The following DOT1L variants were observed in gnomAD, a reference collection of about 807,000 sequenced individuals.
DOT1L encodes histone-lysine N-methyltransferase, H3 lysine-79 specific.
In DOT1L, 33 loss-of-function variants were observed where a neutral mutation model predicts 153.3. The observed-to-expected ratio is 0.22, with a 90% CI of 0.16 to 0.29. The LOEUF is 0.29. Among genes scored for constraint, DOT1L ranks in the 10% least tolerant of loss-of-function variants. The probability of loss-of-function intolerance (pLI) is 1.00; values close to 1 mark genes in which losing one functional copy is unlikely to be tolerated. For synonymous variants in DOT1L, 1,135 were observed against 965.1 expected (o/e 1.18, Z -3.26); for missense variants, 1,847 against 2,119.9 (o/e 0.87, Z 2.53).
chr19:2,207,896 C>G lies in DOT1L; in HGVS notation c.963+216C>G, dbSNP rs997418591. On this transcript the variant is annotated intron_variant, in intron 11 of 27. Coordinates refer to ENST00000398665, the MANE Select transcript of DOT1L (RefSeq NM_032482.3). The surrounding 1 kb of genome is among the most constrained non-coding windows in gnomAD (Gnocchi z 4.5). ...GGTCCTCCCAGGCACTGGGCGTGTC[C>G]TGGGTGAGGGCTGAGTGCTGTCTCC... Among the ~76,000 whole-genome samples the G allele has an allele frequency of 1.3e-5, 2 of 152,072 alleles. No individual in the cohort carries two copies. Among genetic ancestry groups the G allele is most frequent in the East Asian group, 1.9e-4 (1 of 5,168 alleles).
chr19:2,198,732 G>T (rs1219479237), intron 7 of DOT1L, among the ~76,000 whole-genome samples: 1 of 152,176 alleles, frequency 6.6e-6, no homozygotes, highest in Non-Finnish European at 1.5e-5. Flanking sequence ...AACTACTCCA[G>T]CCCCCAGCAT....
At chr19:2,218,635 C>A (rs531298050) in intron 22 of DOT1L, among the ~76,000 whole-genome samples, 1 of 151,992 alleles carries the variant, frequency 6.6e-6, no homozygotes, top group African/African-American at 2.4e-5. Flanking sequence ...CCTAGTGATC[C>A]GCCCGCCTGG....
At chr19:2,209,352 C>G (rs1054132446) in intron 12 of DOT1L, among the ~76,000 whole-genome samples, 1 of 152,214 alleles carries the variant, frequency 6.6e-6, no homozygotes, top group Non-Finnish European at 1.5e-5. Context: ...CATCCTTCCC[C>G]TTGTTAATAC....
chr19:2,217,909 C>A lies in DOT1L; in HGVS notation c.2682C>A (p.Ala894=), dbSNP rs773254605. The A allele has an allele frequency of 6.2e-7, 1 of 1,611,764 alleles. No individual in the cohort carries two copies. Among genetic ancestry groups the A allele is most frequent in the Non-Finnish European group, 8.5e-7 (1 of 1,179,706 alleles). The change falls in exon 22 of 28, where the codon GCC becomes GCA. Residue 894 remains alanine, a synonymous_variant. Coordinates refer to ENST00000398665, the MANE Select transcript of DOT1L (RefSeq NM_032482.3). The surrounding 1 kb of genome is among the most constrained non-coding windows in gnomAD (Gnocchi z 7.3). ...PLASVVLPSR[A]ERARSTPSPV... The stretch of plus-strand genomic sequence containing the variant: ...CCAGCGTGGTGCTGCCCAGCCGCGC[C>A]GAGAGGGCGGTGAGTGGCTCCCAGG...
chr19:2,165,526 G>C (rs953993131), intron 1 of DOT1L, among the ~76,000 whole-genome samples: 2 of 152,210 alleles, frequency 1.3e-5, no homozygotes, highest in Non-Finnish European at 1.5e-5. Context: ...CCTGAGCCGG[G>C]ATCCCGCCAG....
chr19:2,229,583 A>G, intron 27 of DOT1L: 1 of 985,458 alleles, frequency 1.0e-6, no homozygotes, highest in Non-Finnish European at 1.2e-6. Flanking sequence ...CGGCGTGTCC[A>G]GGTGTCAGGC....
chr19:2,175,110 T>G (rs1205795369), intron 1 of DOT1L, among the ~76,000 whole-genome samples: 1 of 151,852 alleles, frequency 6.6e-6, no homozygotes, highest in Non-Finnish European at 1.5e-5. Context: ...GCCATTCTCC[T>G]GCCTCATCCT....
chr19:2,203,871 C>T (rs571424551), intron 9 of DOT1L, among the ~76,000 whole-genome samples: 3 of 152,352 alleles, frequency 2.0e-5, no homozygotes, highest in Admixed American at 6.5e-5. Context: ...TGTATCCTGG[C>T]GGACGTGGCT....
rs576200442 is a variant in DOT1L, at chr19:2,175,703, G to A, written c.82-5010G>A. 9.2e-5 allele frequency among the ~76,000 whole-genome samples: 14 copies of A among 152,134 alleles called. No individual in the cohort carries two copies. The South Asian group carries it at 1.2e-3, about 14-fold the overall frequency. On this transcript the variant is annotated intron_variant, in intron 1 of 27. Transcript: ENST00000398665. ...AAATTAGCCAGGCGTGGTGGCTGAC[G>A]CCTATAATCCCAGCTACTCAGGAGG...
At chr19:2,201,229 GCATTCCTCGTCCTCCCCT>G (rs1396766882) in intron 8 of DOT1L, among the ~76,000 whole-genome samples, 88 of 126,620 alleles carry the variant, frequency 6.9e-4, no homozygotes, top group African/African-American at 2.6e-3. Context: ...CGTCCTCCCT[GCATTCCTCGTCCTCCCCT>G]CATTCCTCGT....
chr19:2,193,890 G>A lies in DOT1L; in HGVS notation c.588+107G>A. On this transcript the variant is annotated intron_variant, in intron 6 of 27. Coordinates refer to ENST00000398665, the MANE Select transcript of DOT1L (RefSeq NM_032482.3). This position sits in a 1 kb window ranked among gnomAD's most constrained non-coding sequence, Gnocchi z 5.9. ...GCTGTGGGACTTCCGAGTCTGGGTGGCGTTCTTTCCAGGCCCAAGACGTCT... is the reference window on the plus strand; with the variant it reads ...GCTGTGGGACTTCCGAGTCTGGGTGACGTTCTTTCCAGGCCCAAGACGTCT... 1.6e-6 allele frequency: 2 copies of A among 1,227,504 alleles called. No homozygotes were observed. Among genetic ancestry groups the A allele is most frequent in the Non-Finnish European group, 2.3e-6 (2 of 876,884 alleles). The allele number at this position is 1,227,504 out of a possible 1,614,324, so 76.0% of individuals were successfully genotyped here. A position where few individuals can be genotyped will look rare whatever the true frequency, so the allele number is the denominator to read the frequency against.
chr19:2,194,240 G>A (rs1248145733), intron 6 of DOT1L, among the ~76,000 whole-genome samples: 6 of 152,040 alleles, frequency 3.9e-5, no homozygotes, highest in Non-Finnish European at 5.9e-5. Context: ...ACTCGATCTC[G>A]GCTCACTGCA....
At chr19:2,194,682 C>T in intron 7 of DOT1L, 105 bp downstream of exon 7, 1 of 1,250,374 alleles carries the variant, frequency 8.0e-7, no homozygotes. Context: ...TGGCTGTTGG[C>T]ACATGGTGTG....
At position 2,193,751 on chromosome 19, in the gene DOT1L, G is replaced by T; in HGVS notation, c.556G>T (p.Glu186Ter). The T allele has an allele frequency of 6.2e-7, 1 of 1,614,134 alleles. No individual in the cohort carries two copies. Among genetic ancestry groups the T allele is most frequent in the Non-Finnish European group, 8.5e-7 (1 of 1,179,988 alleles). Reference protein sequence around the residue: ...ATNCKHHYGVEKADIPAKYAE... With the variant: ...ATNCKHHYGV The stretch of plus-strand genomic sequence containing the variant: ...CAACTGCAAACATCACTATGGCGTC[G>T]AGAAAGCAGACATCCCGGCCAAGTA... The change falls in exon 6 of 28, where the codon GAG becomes TAG. Residue 186 changes from glutamate to a stop codon, truncating the protein, a stop_gained. Coordinates refer to ENST00000398665, the MANE Select transcript of DOT1L (RefSeq NM_032482.3). LOFTEE classifies it high-confidence loss of function. This position sits in a 1 kb window ranked among gnomAD's most constrained non-coding sequence, Gnocchi z 5.9.
rs1265680318 is a variant in DOT1L at position 2,221,798 on chromosome 19, CTT to C, written c.2807-177_2807-176del. ...CACAGGGTCAGCCCTGAGCCTTGAG[CTT>C]GCCCACAGAGCCTTCTGGTTCCACC... On this transcript the variant is annotated intron_variant, in intron 23 of 27. Coordinates refer to ENST00000398665, the MANE Select transcript of DOT1L (RefSeq NM_032482.3). The C allele has an allele frequency of 4.6e-6, 3 of 656,936 alleles. No homozygotes were observed. In the African/African-American group the frequency reaches 5.5e-5, roughly 12 times the overall value. 40.7% of individuals were successfully genotyped at this position (656,936 alleles called of 1,614,324 possible).
chr19:2,231,798 G>A lies in DOT1L; in HGVS notation c.*2006G>A, dbSNP rs955677282. On this transcript the variant is annotated 3_prime_UTR_variant, in exon 28 of 28. Coordinates refer to ENST00000398665, the MANE Select transcript of DOT1L (RefSeq NM_032482.3). ...GTATTACTTCTGCCTCCCTCTAGGT[G>A]ACAGTGGCAGTCCGGGTGCCATCAC... 1.4e-5 allele frequency: 3 copies of A among 217,000 alleles called. No homozygotes were observed. The highest frequency in any genetic ancestry group is 6.8e-5 in the African/African-American group (3 of 44,382). 13.4% of individuals were successfully genotyped at this position (217,000 alleles called of 1,614,324 possible). A position where few individuals can be genotyped will look rare whatever the true frequency, so the allele number is the denominator to read the frequency against.
At chr19:2,196,252 C>T (rs925980627) in intron 7 of DOT1L, among the ~76,000 whole-genome samples, 7 of 152,266 alleles carry the variant, frequency 4.6e-5, no homozygotes, top group African/African-American at 1.7e-4. Flanking sequence ...TGCCAACTGG[C>T]TCTGCCTTGG....
rs2022194329 is a variant in DOT1L at position 2,180,773 on chromosome 19, C to T, written c.125+17C>T. 4 of 1,613,676 alleles carry T rather than the reference C, an allele frequency of 2.5e-6. No homozygotes were observed. The African/African-American group carries it at 4.0e-5, about 16-fold the overall frequency. On this transcript the variant is annotated intron_variant, in intron 2 of 27. Coordinates refer to ENST00000398665, the MANE Select transcript of DOT1L (RefSeq NM_032482.3). ...GACCATCCGGTGAGTGCACGGCCTG[C>T]AGTGTGTTGTCTTCACAGCCCTGAG... is the stretch of plus-strand genomic sequence containing the variant.
At chr19:2,169,114 T>G (rs2020033610) in intron 1 of DOT1L, among the ~76,000 whole-genome samples, 1 of 151,374 alleles carries the variant, frequency 6.6e-6, no homozygotes, top group African/African-American at 2.4e-5. Context: ...CATTAATGAG[T>G]GAGTACATGT....
Sources: allele counts gnomAD v4.1 joint callset (sites outside exome capture counted in the v4.1 genomes callset), GRCh38; gene constraint gnomAD v4.1.1; non-coding constraint Gnocchi (gnomAD v3.1); transcripts MANE v1.5; gene names NCBI Gene and HGNC (gene_info 2026-07-23, HGNC 2026-07-21).